Variants in FOXP1 observed in about 807,000 individuals in gnomAD.
FOXP1 encodes the protein forkhead box protein P1.
Under a neutral mutation model 98.2 loss-of-function variants are expected in FOXP1, and 15 were observed. The ratio of observed to expected loss-of-function variants is 0.15; its 90% confidence interval spans 0.10 to 0.24. The LOEUF is 0.24. Ranked by LOEUF, FOXP1 falls within the 10% of genes least tolerant of loss-of-function variation. The probability of loss-of-function intolerance (pLI) is 1.00; values close to 1 mark genes in which losing one functional copy is unlikely to be tolerated. For synonymous variants in FOXP1, 371 were observed against 314.5 expected (o/e 1.18, Z -1.90); for missense variants, 633 against 848.5 (o/e 0.75, Z 3.15).
At chr3:71,124,162 G>T (rs920106322) in intron 6 of FOXP1, among the ~76,000 whole-genome samples, 2 of 151,348 alleles carry the variant, frequency 1.3e-5, no homozygotes, top group Admixed American at 6.6e-5. Flanking sequence ...ATGATACAGA[G>T]GGACTCCATT....
chr3:70,977,742 C>G lies in FOXP1; in HGVS notation c.1349-20G>C. The G allele has an allele frequency of 6.2e-7, 1 of 1,613,132 alleles. No individual in the cohort carries two copies. Among genetic ancestry groups the G allele is most frequent in the South Asian group, 1.1e-5 (1 of 91,070 alleles). On this transcript the variant is annotated intron_variant, in intron 15 of 20. Transcript: ENST00000649528. The stretch of plus-strand genomic sequence containing the variant: ...TATCTGCTGAATAAGAATCATTGTC[C>G]TATTAATTATCACTTTTTCAAAAGG...
chr3:71,476,604 C>T lies in FOXP1; in HGVS notation c.-168+16822G>A, dbSNP rs1344606043. Reference sequence around the variant, plus strand: ...CTCCCAGGTTCAAGCGATTCTCCGGCCTCAGCCTCCTGAGGAGCTGGGATT... The same window carrying T: ...CTCCCAGGTTCAAGCGATTCTCCGGTCTCAGCCTCCTGAGGAGCTGGGATT... On this transcript the variant is annotated intron_variant, in intron 3 of 20. Transcript: ENST00000649528. Among the ~76,000 whole-genome samples, 4 of 152,156 alleles carry T rather than the reference C, an allele frequency of 2.6e-5. No individual in the cohort carries two copies. In the East Asian group the frequency reaches 5.8e-4, roughly 22 times the overall value.
chr3:71,029,640 C>T (rs1258982058), intron 11 of FOXP1, among the ~76,000 whole-genome samples: 1 of 152,194 alleles, frequency 6.6e-6, no homozygotes, highest in Admixed American at 6.5e-5. Flanking sequence ...ATCCACCCGC[C>T]TCGGCCTCCC....
At chr3:70,968,283 C>T (rs756824196) in intron 19 of FOXP1, 34 of 151,886 alleles carry the variant, frequency 2.2e-4, no homozygotes, top group Non-Finnish European at 3.4e-4. Context: ...TTCTTGAACA[C>T]GCTCTCTGTT....
At chr3:71,381,308 G>A (rs755678215) in intron 3 of FOXP1, among the ~76,000 whole-genome samples, 1 of 151,742 alleles carries the variant, frequency 6.6e-6, no homozygotes, top group Non-Finnish European at 1.5e-5. Flanking sequence ...CTGCCACCGC[G>A]CCCGGCTAAT....
At chr3:71,355,038 C>T (rs1038045805) in intron 4 of FOXP1, among the ~76,000 whole-genome samples, 1 of 152,170 alleles carries the variant, frequency 6.6e-6, no homozygotes, top group Non-Finnish European at 1.5e-5. Context: ...TAATGTATAA[C>T]CCCTTCCGGA....
At chr3:71,402,187 G>A (rs1344444874) in intron 3 of FOXP1, among the ~76,000 whole-genome samples, 1 of 152,206 alleles carries the variant, frequency 6.6e-6, no homozygotes, top group Non-Finnish European at 1.5e-5. Flanking sequence ...GGGCGCGGTG[G>A]CTCACACCCA....
chr3:71,548,399 CTGTTTT>C (rs112678649), intron 2 of FOXP1, among the ~76,000 whole-genome samples: 4,615 of 152,164 alleles, frequency 0.03, 217 homozygotes, highest in African/African-American at 0.11. Context: ...CCTTCCTCAA[CTGTTTT>C]TGTTTTTGTT....
At chr3:70,974,681 G>C (rs373127467) in intron 17 of FOXP1, among the ~76,000 whole-genome samples, 2 of 152,136 alleles carry the variant, frequency 1.3e-5, no homozygotes, top group African/African-American at 4.8e-5. Flanking sequence ...ATAAATAAAC[G>C]GACAGAGCCA....
At chr3:71,220,553 C>G (rs2065281813) in intron 5 of FOXP1, among the ~76,000 whole-genome samples, 1 of 151,914 alleles carries the variant, frequency 6.6e-6, no homozygotes, top group East Asian at 1.9e-4. Context: ...TTTGAGATCA[C>G]CCTGGGCAAC....
chr3:71,319,583 C>A (rs911994420), intron 4 of FOXP1, among the ~76,000 whole-genome samples: 3 of 152,186 alleles, frequency 2.0e-5, no homozygotes, highest in Admixed American at 1.3e-4. Context: ...TCAAAAACTT[C>A]TGTAAAGAGC....
chr3:71,442,929 C>T (rs2086080451), intron 3 of FOXP1, among the ~76,000 whole-genome samples: 2 of 152,068 alleles, frequency 1.3e-5, no homozygotes, highest in Non-Finnish European at 2.9e-5. Context: ...CTCTGTCACC[C>T]AGGCTGGGCT....
chr3:70,966,567 G>A (rs973325045), intron 19 of FOXP1, among the ~76,000 whole-genome samples: 3 of 152,060 alleles, frequency 2.0e-5, no homozygotes, highest in Non-Finnish European at 4.4e-5. Flanking sequence ...TATAGAATTG[G>A]AATCAATTTT....
At chr3:71,108,420 A>G (rs1217676231) in intron 7 of FOXP1, among the ~76,000 whole-genome samples, 1 of 152,244 alleles carries the variant, frequency 6.6e-6, no homozygotes, top group African/African-American at 2.4e-5. Flanking sequence ...TGCACTGTTA[A>G]GCATTTATTT....
intron 4 of FOXP1, among the ~76,000 whole-genome samples, chr3:71,315,038 T>G (rs1383542592): frequency 7.9e-6 from 1 of 126,700 alleles, no homozygotes; most frequent in Non-Finnish European, 1.5e-5. Flanking sequence ...GGGATAAGGC[T>G]GGGTAAAAGG....
At chr3:71,056,115 C>T (rs1227849733) in intron 7 of FOXP1, among the ~76,000 whole-genome samples, 2 of 152,160 alleles carry the variant, frequency 1.3e-5, no homozygotes, top group East Asian at 1.9e-4. Flanking sequence ...TGTATACAAT[C>T]GTCAAAACTC....
chr3:71,512,234 T>C (rs938629561), intron 2 of FOXP1, among the ~76,000 whole-genome samples: 1 of 152,156 alleles, frequency 6.6e-6, no homozygotes, highest in Non-Finnish European at 1.5e-5. Context: ...AGACAGGATA[T>C]AGGGCCTGGC....
intron 3 of FOXP1, among the ~76,000 whole-genome samples, chr3:71,414,318 C>T (rs1487567320): frequency 1.3e-5 from 2 of 152,200 alleles, no homozygotes; most frequent in Non-Finnish European, 2.9e-5. Context: ...CCGTCCTGTG[C>T]CTCCACACCC....
chr3:71,349,049 C>T (rs2077593971), intron 4 of FOXP1, among the ~76,000 whole-genome samples: 1 of 152,162 alleles, frequency 6.6e-6, no homozygotes, highest in Admixed American at 6.5e-5. Context: ...ATAAGTAACT[C>T]CAACATCAGA....
Sources: allele counts gnomAD v4.1 joint callset (sites outside exome capture counted in the v4.1 genomes callset), GRCh38; gene constraint gnomAD v4.1.1; transcripts MANE v1.5; gene names NCBI Gene and HGNC (gene_info 2026-07-23, HGNC 2026-07-21).